ARHGAP32: variants seen among roughly 807,000 people sequenced by gnomAD.
The protein encoded by ARHGAP32 is rho GTPase-activating protein 32.
ARHGAP32 carries 51 observed loss-of-function variants against 186.5 expected under a neutral mutation model. That is an observed-to-expected ratio of 0.27 (90% CI 0.22 to 0.35). The LOEUF is 0.35. Ranked by LOEUF, ARHGAP32 falls within the 10% of genes least tolerant of loss-of-function variation. ARHGAP32 has a pLI of 1.00. For synonymous variants in ARHGAP32, 950 were observed against 964.3 expected (o/e 0.99, Z 0.27); for missense variants, 2,186 against 2,623.5 (o/e 0.83, Z 3.64).
At chr11:129,163,997 C>T (rs559540146) in intron 2 of ARHGAP32, among the ~76,000 whole-genome samples, 2 of 152,162 alleles carry the variant, frequency 1.3e-5, no homozygotes, top group Admixed American at 6.5e-5. Flanking sequence ...GATGTGTTTC[C>T]AGATAAACAC....
intron 12 of ARHGAP32, among the ~76,000 whole-genome samples, chr11:128,994,250 G>A (rs956339433): frequency 6.6e-6 from 1 of 151,906 alleles, no homozygotes; most frequent in Non-Finnish European, 1.5e-5. Flanking sequence ...CAGCTCCCAG[G>A]TTCAAGCAAT....
In ARHGAP32 at chr11:128,973,411, G is replaced by A. The variant is rs2136076516; in HGVS notation, c.3095C>T (p.Pro1032Leu). ...TGAACTGACAGGAACGGAATCCTGA[G>A]GGGGGTCATGGGTAACTGCTCCTAG... ...TQTGAVTHDP[P>L]QDSVPVSSVS... Residue 1032 changes from proline to leucine, a missense_variant, in exon 22 of 23, where the codon CCT becomes CTT. Pro to Leu is a moderately conservative substitution (Grantham distance 98). Transcript: ENST00000682385. The A allele has an allele frequency of 6.2e-7, 1 of 1,613,532 alleles. No homozygotes were observed. Among genetic ancestry groups the A allele is most frequent in the Non-Finnish European group, 8.5e-7 (1 of 1,179,636 alleles).
In ARHGAP32 at chr11:129,163,967, G is replaced by A. The variant is rs375836959; in HGVS notation, c.225+352C>T. Among the ~76,000 whole-genome samples, 262 of 152,136 alleles carry A rather than the reference G, an allele frequency of 1.7e-3. 3 individuals are homozygous for A. Among genetic ancestry groups the A allele is most frequent in the Middle Eastern group, 3.4e-3 (1 of 290 alleles). ...AATCCTATGCCACAGCCTGTAACTTGTTCTTCCATTGCCTAAAATGATGTG... is the reference window on the plus strand; with the variant it reads ...AATCCTATGCCACAGCCTGTAACTTATTCTTCCATTGCCTAAAATGATGTG... On this transcript the variant is annotated intron_variant, in intron 2 of 22. Transcript: ENST00000682385.
At chr11:129,085,161 C>T (rs1404361528) in intron 6 of ARHGAP32, among the ~76,000 whole-genome samples, 1 of 151,876 alleles carries the variant, frequency 6.6e-6, no homozygotes, top group Non-Finnish European at 1.5e-5. Flanking sequence ...GTAGCTGAGA[C>T]CACAGGCACA....
At chr11:128,976,707 T>A in intron 19 of ARHGAP32, 73 bp from the exon 20 acceptor site, 1 of 1,287,632 alleles carries the variant, frequency 7.8e-7, no homozygotes, top group Non-Finnish European at 1.1e-6. Context: ...TCGGTGTTTT[T>A]CTTGATACAT....
Position 128,985,373 on chromosome 11 carries a change from T to G in ARHGAP32, c.1526+630A>C, listed in dbSNP as rs565343307. Among the ~76,000 whole-genome samples the G allele has an allele frequency of 5.3e-5, 8 of 152,202 alleles. No individual in the cohort carries two copies. The East Asian group carries it at 1.5e-3, about 29-fold the overall frequency. ...AGCAATGTCATTTTGAAAAAAAAAA[T>G]TAAATTACTTAATTTGCATATTACT... On this transcript the variant is annotated intron_variant, in intron 15 of 22. Transcript: ENST00000682385.
Position 129,192,227 on chromosome 11 carries a change from A to C in ARHGAP32, c.-29T>G. ...GTACTTAAAAAACAAAAAAAACTAA[A>C]CCTCCAGGCATGGAATAAAAAGCAC... On this transcript the variant is annotated 5_prime_UTR_variant, in exon 1 of 23. Transcript: ENST00000682385. 1 of 1,504,458 alleles carries C rather than the reference A, an allele frequency of 6.6e-7. No homozygotes were observed. Among genetic ancestry groups the C allele is most frequent in the Non-Finnish European group, 9.2e-7 (1 of 1,083,124 alleles). 93.2% of individuals were successfully genotyped at this position (1,504,458 alleles called of 1,614,324 possible).
chr11:129,062,957 T>C (rs531807081), intron 9 of ARHGAP32, among the ~76,000 whole-genome samples: 1 of 152,244 alleles, frequency 6.6e-6, no homozygotes, highest in Admixed American at 6.5e-5. Context: ...TTCTTCACTG[T>C]AAAAGAAAAA....
intron 1 of ARHGAP32, among the ~76,000 whole-genome samples, chr11:129,177,920 T>C (rs1301634191): frequency 6.6e-6 from 1 of 152,110 alleles, no homozygotes; most frequent in Non-Finnish European, 1.5e-5. Flanking sequence ...CTATTCAACA[T>C]AGTGTTGGAA....
At chr11:129,043,274 T>G (rs998090809) in intron 10 of ARHGAP32, among the ~76,000 whole-genome samples, 1 of 152,132 alleles carries the variant, frequency 6.6e-6, no homozygotes, top group Non-Finnish European at 1.5e-5. Context: ...TGGCCCCAAT[T>G]TGATGTTTGG....
At chr11:128,980,459 A>G in intron 18 of ARHGAP32, 94 bp downstream of exon 18, 1 of 977,802 alleles carries the variant, frequency 1.0e-6, no homozygotes, top group Non-Finnish European at 1.5e-6. Flanking sequence ...TCAATAGAGT[A>G]ATACTAAAAT....
intron 11 of ARHGAP32, among the ~76,000 whole-genome samples, chr11:129,027,932 T>C (rs568499459): frequency 6.6e-6 from 1 of 152,290 alleles, no homozygotes; most frequent in East Asian, 1.9e-4. Context: ...AATTAATGAA[T>C]GAATATCGGA....
chr11:129,216,669 T>TAAAAAAA (rs201308944), intron 1 of ARHGAP32, among the ~76,000 whole-genome samples: 4 of 119,102 alleles, frequency 3.4e-5, no homozygotes, highest in African/African-American at 1.3e-4. Context: ...AGACTGTCTT[T>TAAAAAAA]AAAAAAAAAA....
chr11:128,974,096 A>C (rs916673383), intron 21 of ARHGAP32, 28 bp downstream of exon 21: 14 of 1,607,118 alleles, frequency 8.7e-6, no homozygotes, highest in African/African-American at 1.3e-5. Flanking sequence ...CTTAACTTAA[A>C]GAAAGAATGG....
intron 1 of ARHGAP32, among the ~76,000 whole-genome samples, chr11:129,252,229 T>C (rs1190178341): frequency 6.6e-6 from 1 of 152,218 alleles, no homozygotes; most frequent in Non-Finnish European, 1.5e-5. Flanking sequence ...CTCTCAACTG[T>C]AGTCGTGTCT....
At chr11:129,062,232 A>AG (rs1940529437) in intron 10 of ARHGAP32, 48 bp downstream of exon 10, 1 of 1,520,616 alleles carries the variant, frequency 6.6e-7, no homozygotes. Flanking sequence ...CTGAATCATA[A>AG]AAAAACTTTC....
At chr11:129,015,338 T>C (rs1022927781) in intron 11 of ARHGAP32, among the ~76,000 whole-genome samples, 1 of 152,178 alleles carries the variant, frequency 6.6e-6, no homozygotes, top group African/African-American at 2.4e-5. Context: ...ATAGAAAGTA[T>C]TAGAGCCCAA....
At chr11:129,096,881 T>A (rs900349409) in intron 5 of ARHGAP32, among the ~76,000 whole-genome samples, 8 of 152,092 alleles carry the variant, frequency 5.3e-5, no homozygotes, top group Non-Finnish European at 4.4e-5. Flanking sequence ...ACTGACCTAT[T>A]CAAAAGACTT....
In ARHGAP32 at chr11:128,972,999, T is replaced by C; in HGVS notation, c.3507A>G (p.Ala1169=). 6.2e-7 allele frequency: 1 copy of C among 1,614,082 alleles called. No homozygotes were observed. The highest frequency in any genetic ancestry group is 8.5e-7 in the Non-Finnish European group (1 of 1,180,014). The change falls in exon 22 of 23, where the codon GCA becomes GCG. Residue 1169 remains alanine (A), a synonymous_variant. Coordinates refer to ENST00000682385, the MANE Select transcript of ARHGAP32 (RefSeq NM_001378024.1). ...VDLTGNQPHQ[A]YLSGDPEKAR... ...CCTTTTCTGGGTCCCCAGATAAATA[T>C]GCTTGATGTGGCTGATTCCCTGTTA...
Sources: allele counts gnomAD v4.1 joint callset (sites outside exome capture counted in the v4.1 genomes callset), GRCh38; gene constraint gnomAD v4.1.1; transcripts MANE v1.5; gene names NCBI Gene and HGNC (gene_info 2026-07-23, HGNC 2026-07-21).